The following TRIP11 variants were observed in gnomAD, a reference collection of about 807,000 sequenced individuals.
TRIP11 encodes the protein thyroid hormone receptor interactor 11, also known as thyroid receptor-interacting protein 11.
Under a neutral mutation model 223.1 loss-of-function variants are expected in TRIP11, and 148 were observed. That is an observed-to-expected ratio of 0.66 (90% CI 0.58 to 0.76). The LOEUF is 0.76. Among genes scored for constraint, TRIP11 ranks in the 30% least tolerant of loss-of-function variants. The probability of loss-of-function intolerance (pLI) is 0.00; values close to 1 mark genes in which losing one functional copy is unlikely to be tolerated. For synonymous variants in TRIP11, 762 were observed against 772.6 expected (o/e 0.99, Z 0.23); for missense variants, 2,043 against 2,222.0 (o/e 0.92, Z 1.62).
chr14:91,981,765 A>C (rs2056548481), intron 16 of TRIP11, among the ~76,000 whole-genome samples: 1 of 152,202 alleles, frequency 6.6e-6, no homozygotes, highest in African/African-American at 2.4e-5. Context: ...GTATATGGTA[A>C]ATGTTTTGTT....
Position 91,968,573 on chromosome 14 carries a change from G to A in TRIP11, c.*1100C>T. On this transcript the variant is annotated 3_prime_UTR_variant, in exon 21 of 21. Transcript: ENST00000267622. ...CAGCTGTATGGTTTAATGCTTATAT[G>A]AAAGTTGCATGAATTTGTGTAACAT... is the stretch of plus-strand genomic sequence containing the variant. 4.6e-6 allele frequency: 1 copy of A among 217,924 alleles called. No individual in the cohort carries two copies. Among genetic ancestry groups the A allele is most frequent in the Non-Finnish European group, 9.3e-6 (1 of 107,774 alleles). 13.5% of individuals were successfully genotyped at this position (217,924 alleles called of 1,614,324 possible). A position where few individuals can be genotyped will look rare whatever the true frequency, so the allele number is the denominator to read the frequency against.
intron 15 of TRIP11, among the ~76,000 whole-genome samples, chr14:91,992,804 A>G (rs1028670807): frequency 1.4e-5 from 2 of 147,784 alleles, no homozygotes; most frequent in South Asian, 2.2e-4. Context: ...AGCTACTTGG[A>G]AGGCTGAGGC....
At chr14:92,013,607 A>G (rs1300392938) in intron 7 of TRIP11, among the ~76,000 whole-genome samples, 1 of 152,226 alleles carries the variant, frequency 6.6e-6, no homozygotes, top group Non-Finnish European at 1.5e-5. Flanking sequence ...AAGAGGAAGG[A>G]CTAAGGCAGT....
At position 92,038,400 on chromosome 14, in the gene TRIP11, C is replaced by G. The variant is rs150344128; in HGVS notation, c.139+1147G>C. Among the ~76,000 whole-genome samples the G allele has an allele frequency of 8.9e-3, 1,356 of 152,214 alleles. 11 individuals are homozygous for G. Among genetic ancestry groups the G allele is most frequent in the Non-Finnish European group, 0.012 (816 of 68,006 alleles). The stretch of plus-strand genomic sequence containing the variant: ...GCCCTCAAGGTCCCATGCTTTCCCC[C>G]ACACATAAAGAAGCCCTTTCATTTC... On this transcript the variant is annotated intron_variant, in intron 1 of 20. Transcript: ENST00000267622.
intron 6 of TRIP11, 74 bp from the exon 7 acceptor site, chr14:92,014,651 A>G: frequency 6.7e-7 from 1 of 1,483,568 alleles, no homozygotes; most frequent in Non-Finnish European, 9.0e-7. Context: ...TATACAACTA[A>G]GAGATATAAG....
chr14:91,981,949 CAA>C (rs1173591789), intron 16 of TRIP11, among the ~76,000 whole-genome samples: 1 of 122,238 alleles, frequency 8.2e-6, no homozygotes, highest in Non-Finnish European at 1.8e-5. Context: ...ACCGTCTCCA[CAA>C]AAAAAAAAAA....
chr14:91,986,779 A>C (rs2056609058), intron 16 of TRIP11, among the ~76,000 whole-genome samples: 1 of 152,208 alleles, frequency 6.6e-6, no homozygotes, highest in Non-Finnish European at 1.5e-5. Flanking sequence ...CTTCCAGATA[A>C]TGTTGTAGTT....
intron 15 of TRIP11, 84 bp from the exon 16 acceptor site, chr14:91,988,467 TC>T (rs764358334): frequency 1.7e-6 from 2 of 1,205,634 alleles, no homozygotes; most frequent in Non-Finnish European, 2.4e-6. Context: ...AGAGTCAACC[TC>T]TACATTTCAG....
At chr14:91,999,125 A>G in intron 13 of TRIP11, 115 bp downstream of exon 13, 1 of 1,203,946 alleles carries the variant, frequency 8.3e-7, no homozygotes, top group Non-Finnish European at 1.2e-6. Flanking sequence ...TTCTTCATCC[A>G]TAAAATACAG....
chr14:91,998,787 A>G lies in TRIP11; in HGVS notation c.4892+453T>C, dbSNP rs1454827604. On this transcript the variant is annotated intron_variant, in intron 13 of 20. Transcript: ENST00000267622. ...GTCACTCAAGAGTGCTAATAAACCC[A>G]GTTAATTCTTCATACTGACCTTGGT... 2.0e-5 allele frequency among the ~76,000 whole-genome samples: 3 copies of G among 152,078 alleles called. No homozygotes were observed. In the East Asian group the frequency reaches 5.8e-4, roughly 29 times the overall value.
In TRIP11 at chr14:91,978,267, T is replaced by C. The variant is rs2056493423; in HGVS notation, c.5261-2078A>G. ...TAACCGTCCCACTCACAAACTAAAG[T>C]AGGAGACAGAGTAAAGATGGGCATG... On this transcript the variant is annotated intron_variant, in intron 16 of 20. Coordinates refer to ENST00000267622, the MANE Select transcript of TRIP11 (RefSeq NM_004239.4). This position sits in a 1 kb window ranked among gnomAD's most constrained non-coding sequence, Gnocchi z 4.4. Among the ~76,000 whole-genome samples the C allele has an allele frequency of 1.3e-5, 2 of 152,190 alleles. No individual in the cohort carries two copies. The highest frequency in any genetic ancestry group is 1.9e-4 in the East Asian group (1 of 5,178).
At chr14:91,976,016 A>T in intron 17 of TRIP11, 92 bp downstream of exon 17, 1 of 1,237,890 alleles carries the variant, frequency 8.1e-7, no homozygotes, top group Non-Finnish European at 1.1e-6. Context: ...TGAAAAATTT[A>T]ATCACATATA....
intron 15 of TRIP11, among the ~76,000 whole-genome samples, chr14:91,991,343 G>A (rs74970077): frequency 3.3e-5 from 5 of 152,236 alleles, no homozygotes; most frequent in African/African-American, 1.2e-4. Flanking sequence ...CAGAACCCAT[G>A]AGCTACTAAG....
intron 5 of TRIP11, among the ~76,000 whole-genome samples, chr14:92,017,169 A>G (rs145233614): frequency 6.9e-4 from 105 of 152,312 alleles, no homozygotes; most frequent in African/African-American, 2.5e-3. Flanking sequence ...TCCGTAATAA[A>G]TGTTCAAAAC....
At chr14:92,016,113 A>G (rs2057032590) in intron 5 of TRIP11, among the ~76,000 whole-genome samples, 1 of 152,226 alleles carries the variant, frequency 6.6e-6, no homozygotes, top group African/African-American at 2.4e-5. Flanking sequence ...AAAACAAACG[A>G]TAAGTAAAAA....
intron 15 of TRIP11, among the ~76,000 whole-genome samples, chr14:91,992,546 A>G (rs921736172): frequency 6.6e-6 from 1 of 152,174 alleles, no homozygotes; most frequent in African/African-American, 2.4e-5. Flanking sequence ...GAAGAACAGC[A>G]TAATTACCTC....
At chr14:92,038,798 A>C (rs1353000973) in intron 1 of TRIP11, among the ~76,000 whole-genome samples, 2 of 152,232 alleles carry the variant, frequency 1.3e-5, no homozygotes, top group Non-Finnish European at 2.9e-5. Flanking sequence ...TAAAATGCCA[A>C]GAAATCAAAA....
chr14:91,993,738 C>T, intron 15 of TRIP11, 71 bp downstream of exon 15: 2 of 1,262,040 alleles, frequency 1.6e-6, no homozygotes, highest in Non-Finnish European at 1.1e-6. Context: ...AGATTATTTC[C>T]AAGACAAAGA....
chr14:92,023,061 T>C (rs758199959), intron 3 of TRIP11, among the ~76,000 whole-genome samples: 6 of 152,220 alleles, frequency 3.9e-5, no homozygotes, highest in African/African-American at 1.2e-4. Flanking sequence ...GCTATCATTA[T>C]ATGATATTTA....
Sources: allele counts gnomAD v4.1 joint callset (sites outside exome capture counted in the v4.1 genomes callset), GRCh38; gene constraint gnomAD v4.1.1; non-coding constraint Gnocchi (gnomAD v3.1); transcripts MANE v1.5; gene names NCBI Gene and HGNC (gene_info 2026-07-23, HGNC 2026-07-21).